The following DLG2 variants were observed in gnomAD, a reference collection of about 807,000 sequenced individuals.
The protein encoded by DLG2 is disks large homolog 2.
Under a neutral mutation model 132.5 loss-of-function variants are expected in DLG2, and 45 were observed. That is an observed-to-expected ratio of 0.34 (90% CI 0.27 to 0.44). DLG2 has a LOEUF of 0.44. DLG2 is among the 20% of genes least tolerant of loss of function. The pLI is 1.00. For missense variants in DLG2, 1,045 were observed against 1,196.9 expected, an observed-to-expected ratio of 0.87 and a Z score of 1.87; for synonymous variants, 424 against 419.6, an observed-to-expected ratio of 1.01 and a Z score of -0.13.
At chr11:85,085,572 A>T (rs2067814327) in intron 6 of DLG2, among the ~76,000 whole-genome samples, 1 of 152,086 alleles carries the variant, frequency 6.6e-6, no homozygotes, top group Non-Finnish European at 1.5e-5. Flanking sequence ...TACTTATTAA[A>T]ATAATGTTTA....
chr11:84,127,353 G>A (rs183443484), intron 9 of DLG2, among the ~76,000 whole-genome samples: 38 of 152,234 alleles, frequency 2.5e-4, no homozygotes, highest in Non-Finnish European at 4.6e-4. Context: ...ATTTAGCTCC[G>A]AATTAACCTT....
chr11:85,482,723 C>CT (rs1470924862), intron 3 of DLG2, among the ~76,000 whole-genome samples: 1 of 152,128 alleles, frequency 6.6e-6, no homozygotes, highest in African/African-American at 2.4e-5. Flanking sequence ...CAGACCCAGG[C>CT]TCCACATGGA....
intron 6 of DLG2, among the ~76,000 whole-genome samples, chr11:84,756,197 TGC>T (rs1276881820): frequency 6.6e-6 from 1 of 152,262 alleles, no homozygotes; most frequent in African/African-American, 2.4e-5. Context: ...TACTTTTTTA[TGC>T]CTTTGTTTTC....
At position 84,308,977 on chromosome 11, in the gene DLG2, G is replaced by A. The variant is rs372618233; in HGVS notation, c.520-57686C>T. 3.3e-4 allele frequency among the ~76,000 whole-genome samples: 50 copies of A among 152,260 alleles called. No homozygotes were observed. In the East Asian group the frequency reaches 8.0e-3, roughly 24 times the overall value. ...TCCGGCCTTGGCCAGCCCAGAAAGC[G>A]GCTCCCACAGTGCAGCGGCGGGCTG... On this transcript the variant is annotated intron_variant, in intron 7 of 27. Transcript: ENST00000376104.
chr11:84,815,984 C>A (rs1406412042), intron 6 of DLG2, among the ~76,000 whole-genome samples: 1 of 152,030 alleles, frequency 6.6e-6, no homozygotes, highest in African/African-American at 2.4e-5. Context: ...CAGTTTGCTG[C>A]AAACAACTTT....
chr11:84,360,467 G>A (rs1027857894), intron 7 of DLG2, among the ~76,000 whole-genome samples: 1 of 151,856 alleles, frequency 6.6e-6, no homozygotes, highest in Non-Finnish European at 1.5e-5. Context: ...AAAAATATAT[G>A]ATTCAACAAT....
intron 4 of DLG2, among the ~76,000 whole-genome samples, chr11:85,191,409 G>A (rs1283852736): frequency 6.6e-6 from 1 of 151,280 alleles, no homozygotes; most frequent in Non-Finnish European, 1.5e-5. Context: ...ACACACACAC[G>A]TTGTTCCCCC....
intron 7 of DLG2, chr11:84,317,064 T>C (rs1230385540): frequency 6.2e-7 from 1 of 1,612,832 alleles, no homozygotes; most frequent in Admixed American, 1.7e-5. Flanking sequence ...GCATCCCTGA[T>C]CAGGGTGGGC....
chr11:85,428,496 T>A (rs1029486389), intron 3 of DLG2, among the ~76,000 whole-genome samples: 1 of 152,126 alleles, frequency 6.6e-6, no homozygotes. Context: ...CATAACTACA[T>A]GGAAACTGAA....
intron 21 of DLG2, among the ~76,000 whole-genome samples, chr11:83,507,824 A>G (rs2094809322): frequency 7.1e-6 from 1 of 140,264 alleles, no homozygotes; most frequent in Non-Finnish European, 1.5e-5. Context: ...AACAAGTATT[A>G]ACTCACAAGA....
chr11:85,161,203 GATAGGATGACCTGTTCTGTGGACA>G (rs1225532808), intron 4 of DLG2, among the ~76,000 whole-genome samples: 2 of 152,238 alleles, frequency 1.3e-5, no homozygotes, highest in Non-Finnish European at 2.9e-5. Flanking sequence ...TAATTAAGTG[GATAGGATGACCTGTTCTGTGGACA>G]TCACTCAGCC....
At chr11:85,077,117 A>G (rs889005396) in intron 6 of DLG2, among the ~76,000 whole-genome samples, 8 of 151,980 alleles carry the variant, frequency 5.3e-5, no homozygotes, top group African/African-American at 1.9e-4. Context: ...TGCTTGGCAC[A>G]GGCTCAGCAG....
chr11:84,495,870 G>A (rs543561266), intron 7 of DLG2, among the ~76,000 whole-genome samples: 2 of 152,224 alleles, frequency 1.3e-5, no homozygotes, highest in Admixed American at 6.5e-5. Flanking sequence ...GGCGGTAAAC[G>A]GGCACAATGT....
At chr11:83,653,731 A>G (rs2017075) in intron 18 of DLG2, among the ~76,000 whole-genome samples, 2 of 149,614 alleles carry the variant, frequency 1.3e-5, no homozygotes. Flanking sequence ...TTAGATTTTT[A>G]TTTTTTTTTT....
At chr11:85,608,005 G>A (rs1050492974) in intron 2 of DLG2, among the ~76,000 whole-genome samples, 3 of 152,184 alleles carry the variant, frequency 2.0e-5, no homozygotes, top group African/African-American at 7.2e-5. Flanking sequence ...TGGTCTAGGA[G>A]GACAGGCAAG....
At chr11:85,550,568 G>A (rs2076606178) in intron 3 of DLG2, among the ~76,000 whole-genome samples, 1 of 152,150 alleles carries the variant, frequency 6.6e-6, no homozygotes, top group Non-Finnish European at 1.5e-5. Context: ...ATGCACGCCA[G>A]TTCCCAGGAG....
intron 6 of DLG2, among the ~76,000 whole-genome samples, chr11:85,107,534 C>T (rs959308437): frequency 6.6e-6 from 1 of 151,946 alleles, no homozygotes; most frequent in Non-Finnish European, 1.5e-5. Context: ...TAATTCCAAG[C>T]GCCAAATGCT....
intron 6 of DLG2, among the ~76,000 whole-genome samples, chr11:84,724,026 C>A (rs1032420611): frequency 5.3e-5 from 8 of 152,046 alleles, no homozygotes; most frequent in African/African-American, 1.9e-4. Flanking sequence ...GCTAGTTATG[C>A]ATCTTTTTTC....
intron 10 of DLG2, among the ~76,000 whole-genome samples, chr11:84,091,992 T>C (rs2097100579): frequency 6.6e-6 from 1 of 152,224 alleles, no homozygotes; most frequent in African/African-American, 2.4e-5. Flanking sequence ...GTTTGCTTCA[T>C]CCATGCCAGT....
Sources: gnomAD v4.1 joint callset for allele counts (sites outside exome capture counted in the v4.1 genomes callset) on GRCh38, gnomAD v4.1.1 for gene constraint, MANE v1.5 for transcripts, NCBI Gene and HGNC (gene_info 2026-07-23, HGNC 2026-07-21) for gene names.